DLG2: variants seen among roughly 807,000 people sequenced by gnomAD.
The protein encoded by DLG2 is discs large MAGUK scaffold protein 2, also known as disks large homolog 2.
A neutral mutation model predicts 132.5 loss-of-function variants in DLG2; 45 were observed. The ratio of observed to expected loss-of-function variants is 0.34; its 90% CI spans 0.27 to 0.44. The LOEUF (loss-of-function observed/expected upper bound fraction) is 0.44, where lower values mean the gene tolerates loss of function less well. Among genes scored for constraint, DLG2 ranks in the 20% least tolerant of loss-of-function variants. DLG2 has a pLI of 1.00. For missense variants in DLG2, 1,045 were observed against 1,196.9 expected (o/e 0.87, Z 1.87); for synonymous variants, 424 against 419.6 (o/e 1.01, Z -0.13).
intron 6 of DLG2, among the ~76,000 whole-genome samples, chr11:84,969,967 T>A (rs1200543007): frequency 6.6e-6 from 1 of 151,850 alleles, no homozygotes; most frequent in Non-Finnish European, 1.5e-5. Context: ...AGTTGAACGA[T>A]GAGAACGCAT....
chr11:85,174,113 A>G (rs2079058034), intron 4 of DLG2, among the ~76,000 whole-genome samples: 1 of 152,200 alleles, frequency 6.6e-6, no homozygotes, highest in South Asian at 2.1e-4. Flanking sequence ...GCTCTGGATC[A>G]AGTGGACCTG....
chr11:85,317,269 A>C (rs1373822179), intron 3 of DLG2, among the ~76,000 whole-genome samples: 3 of 151,924 alleles, frequency 2.0e-5, no homozygotes, highest in Non-Finnish European at 4.4e-5. Flanking sequence ...ATTTAAAAAT[A>C]ATGTAAGGCC....
At chr11:84,394,724 C>T (rs1399815830) in intron 7 of DLG2, among the ~76,000 whole-genome samples, 5 of 151,838 alleles carry the variant, frequency 3.3e-5, no homozygotes, top group Non-Finnish European at 5.9e-5. Flanking sequence ...TGGGTTCAAG[C>T]GATTCTCCTG....
At chr11:85,111,825 A>G in intron 5 of DLG2, 90 bp from the exon 6 acceptor site, 1 of 955,760 alleles carries the variant, frequency 1.0e-6, no homozygotes, top group South Asian at 1.8e-5. Context: ...CAATATGTTT[A>G]TTACCTTATT....
At chr11:85,093,870 G>A (rs2069264085) in intron 6 of DLG2, among the ~76,000 whole-genome samples, 1 of 152,160 alleles carries the variant, frequency 6.6e-6, no homozygotes, top group African/African-American at 2.4e-5. Flanking sequence ...GCCAATTGAA[G>A]CCTAACACTA....
At chr11:83,713,898 T>C (rs989377502) in intron 18 of DLG2, among the ~76,000 whole-genome samples, 6 of 152,142 alleles carry the variant, frequency 3.9e-5, no homozygotes, top group Non-Finnish European at 8.8e-5. Context: ...GAAAAGAGCA[T>C]TGGCTAGGAA....
intron 3 of DLG2, among the ~76,000 whole-genome samples, chr11:85,409,324 G>T: frequency 6.6e-6 from 1 of 151,886 alleles, no homozygotes; most frequent in East Asian, 1.9e-4. Context: ...CATGGACTCT[G>T]TATCCACGCT....
intron 8 of DLG2, among the ~76,000 whole-genome samples, chr11:84,170,954 G>A (rs2095805957): frequency 1.3e-5 from 2 of 151,986 alleles, no homozygotes; most frequent in Non-Finnish European, 2.9e-5. Context: ...ATATCTCTCT[G>A]ACCTCTGAAT....
intron 15 of DLG2, among the ~76,000 whole-genome samples, chr11:83,921,085 GCTAA>G (rs2077795052): frequency 6.6e-6 from 1 of 152,116 alleles, no homozygotes; most frequent in South Asian, 2.1e-4. Flanking sequence ...AGAAAGGTTA[GCTAA>G]CTGTTTCATC....
At chr11:84,409,121 C>A (rs1397601046) in intron 7 of DLG2, among the ~76,000 whole-genome samples, 1 of 152,208 alleles carries the variant, frequency 6.6e-6, no homozygotes, top group Non-Finnish European at 1.5e-5. Context: ...GAATTCCTTG[C>A]ACTTCCCCCC....
At chr11:83,543,858 G>A (rs1196626260) in intron 19 of DLG2, among the ~76,000 whole-genome samples, 3 of 152,134 alleles carry the variant, frequency 2.0e-5, no homozygotes, top group Non-Finnish European at 4.4e-5. Context: ...TTGTAAGGGT[G>A]GCCCTTGGCT....
rs559297936 is a variant in DLG2, at chr11:84,499,718, CTCTCTCTGTT to C, written c.519+34842_519+34851del. On this transcript the variant is annotated intron_variant, in intron 7 of 27. Transcript: ENST00000376104. ...TTTTTTCACTGTTCTCTCTTTCTGT[CTCTCTCTGTT>C]TCTCTCTCTATATATTCCTTCCTCT... 2.6e-5 allele frequency among the ~76,000 whole-genome samples: 4 copies of C among 152,176 alleles called. No individual in the cohort carries two copies. In the South Asian group the frequency reaches 8.3e-4, roughly 32 times the overall value.
Position 85,154,545 on chromosome 11 carries a change from ATAACACT to A in DLG2, c.282+4_282+10del. ...AAGCCTAGTAAGAAAAGAAAACAGT[ATAACACT>A]TACAGTTGTCGTCTCATCAGTTTCA... On this transcript the variant is annotated splice_donor_5th_base_variant and intron_variant, in intron 5 of 27. Transcript: ENST00000376104. The A allele has an allele frequency of 7.5e-7, 1 of 1,342,054 alleles. No individual in the cohort carries two copies. The highest frequency in any genetic ancestry group is 1.0e-6 in the Non-Finnish European group (1 of 961,200). The allele number at this position is 1,342,054 out of a possible 1,614,324, so 83.1% of individuals were successfully genotyped here. A position where few individuals can be genotyped will look rare whatever the true frequency, so the allele number is the denominator to read the frequency against.
chr11:83,897,570 C>T (rs1169460720), intron 15 of DLG2, among the ~76,000 whole-genome samples: 6 of 152,158 alleles, frequency 3.9e-5, no homozygotes, highest in Non-Finnish European at 8.8e-5. Flanking sequence ...TACTTGAATA[C>T]TAAAATACTA....
At chr11:84,504,685 T>C (rs530764225) in intron 7 of DLG2, among the ~76,000 whole-genome samples, 4 of 152,146 alleles carry the variant, frequency 2.6e-5, no homozygotes, top group African/African-American at 4.8e-5. Flanking sequence ...ATTTTTAACA[T>C]TGAAACCTTC....
chr11:83,874,965 A>C (rs1317096967), intron 15 of DLG2, among the ~76,000 whole-genome samples: 5 of 152,186 alleles, frequency 3.3e-5, no homozygotes, highest in Non-Finnish European at 5.9e-5. Flanking sequence ...AACACAGAGC[A>C]TAAAAACATA....
At chr11:83,991,160 A>G (rs899436997) in intron 11 of DLG2, among the ~76,000 whole-genome samples, 2 of 152,204 alleles carry the variant, frequency 1.3e-5, no homozygotes, top group Non-Finnish European at 2.9e-5. Flanking sequence ...GGTTAATTAA[A>G]AGCCAAAGCA....
chr11:84,607,132 G>C (rs187167937), intron 6 of DLG2, among the ~76,000 whole-genome samples: 1 of 152,138 alleles, frequency 6.6e-6, no homozygotes, highest in Admixed American at 6.6e-5. Flanking sequence ...CTTCAGATGA[G>C]CCCTTTTCAA....
chr11:84,877,688 C>T (rs2086605135), intron 6 of DLG2, among the ~76,000 whole-genome samples: 1 of 151,750 alleles, frequency 6.6e-6, no homozygotes, highest in Non-Finnish European at 1.5e-5. Context: ...GGGCATTTAG[C>T]CCGTTTATAT....
Sources: gnomAD v4.1 joint callset for allele counts (sites outside exome capture counted in the v4.1 genomes callset) on GRCh38, gnomAD v4.1.1 for gene constraint, MANE v1.5 for transcripts, NCBI Gene and HGNC (gene_info 2026-07-23, HGNC 2026-07-21) for gene names.